Variants in CTNNA2 observed in about 807,000 individuals in gnomAD.
CTNNA2 encodes the protein catenin alpha-2.
A neutral mutation model predicts 101.0 loss-of-function variants in CTNNA2; 42 were observed. The ratio of observed to expected loss-of-function variants is 0.42; its 90% CI spans 0.32 to 0.54. The LOEUF (loss-of-function observed/expected upper bound fraction) is 0.54, where lower values mean the gene tolerates loss of function less well. CTNNA2 is among the 20% of genes least tolerant of loss of function. The pLI is 0.14. For synonymous variants in CTNNA2, 450 were observed against 456.4 expected (o/e 0.99, Z 0.18); for missense variants, 871 against 1,223.1 (o/e 0.71, Z 4.29).
intron 7 of CTNNA2, among the ~76,000 whole-genome samples, chr2:80,008,804 A>C (rs962236969): frequency 6.6e-6 from 1 of 152,232 alleles, no homozygotes; most frequent in African/African-American, 2.4e-5. Context: ...TTATGTAAAC[A>C]ACAAGATGCT....
At chr2:79,417,711 A>C (rs1678498497) in intron 4 of CTNNA2, among the ~76,000 whole-genome samples, 2 of 152,140 alleles carry the variant, frequency 1.3e-5, no homozygotes, top group Non-Finnish European at 2.9e-5. Context: ...AGATTCTACT[A>C]TAAATTATTT....
chr2:80,006,588 A>G (rs1200852359), intron 7 of CTNNA2, among the ~76,000 whole-genome samples: 1 of 152,028 alleles, frequency 6.6e-6, no homozygotes, highest in African/African-American at 2.4e-5. Context: ...ACATGGCACT[A>G]TTGGATTCAA....
intron 1 of CTNNA2, among the ~76,000 whole-genome samples, chr2:79,634,171 T>A (rs1413747903): frequency 1.3e-5 from 2 of 152,204 alleles, no homozygotes; most frequent in Non-Finnish European, 2.9e-5. Context: ...TTTCCCACTT[T>A]GTTGTGCTGT....
intron 4 of CTNNA2, among the ~76,000 whole-genome samples, chr2:79,449,511 A>C (rs968761447): frequency 2.6e-5 from 4 of 152,048 alleles, no homozygotes; most frequent in Non-Finnish European, 5.9e-5. Context: ...AAGCAAAAGG[A>C]AGAGGAGGAA....
intron 7 of CTNNA2, among the ~76,000 whole-genome samples, chr2:80,366,462 G>A (rs190271920): frequency 3.9e-5 from 6 of 152,170 alleles, no homozygotes; most frequent in South Asian, 4.2e-4. Flanking sequence ...GTTCACAGAC[G>A]CATTTGCATA....
At chr2:80,358,187 G>C (rs901676014) in intron 7 of CTNNA2, among the ~76,000 whole-genome samples, 2 of 152,196 alleles carry the variant, frequency 1.3e-5, no homozygotes, top group South Asian at 4.2e-4. Context: ...TACTTACAAA[G>C]TCCTTAGGAC....
intron 7 of CTNNA2, among the ~76,000 whole-genome samples, chr2:80,311,679 G>A (rs778719888): frequency 6.6e-6 from 1 of 152,198 alleles, no homozygotes; most frequent in African/African-American, 2.4e-5. Context: ...CTCTACGAGG[G>A]TAAAAGTATT....
At chr2:79,453,328 G>T (rs553361815) in intron 4 of CTNNA2, among the ~76,000 whole-genome samples, 9 of 152,258 alleles carry the variant, frequency 5.9e-5, no homozygotes, top group African/African-American at 1.9e-4. Flanking sequence ...AAATGGCAAG[G>T]TAGGCAGTAT....
chr2:80,346,981 C>T (rs1016060545), intron 7 of CTNNA2, among the ~76,000 whole-genome samples: 7 of 152,156 alleles, frequency 4.6e-5, no homozygotes, highest in African/African-American at 1.2e-4. Context: ...ACCATGCTTC[C>T]GCTAGAAAGG....
At chr2:79,396,268 C>G (rs1048698019) in intron 4 of CTNNA2, among the ~76,000 whole-genome samples, 4 of 152,022 alleles carry the variant, frequency 2.6e-5, no homozygotes, top group Non-Finnish European at 5.9e-5. Flanking sequence ...AAGTGATTCT[C>G]CTGTCTCAGC....
At chr2:80,148,771 C>T (rs1238632774) in intron 7 of CTNNA2, among the ~76,000 whole-genome samples, 1 of 152,144 alleles carries the variant, frequency 6.6e-6, no homozygotes, top group Non-Finnish European at 1.5e-5. Flanking sequence ...ACCAAACTCT[C>T]CTAGGCTTGG....
chr2:79,587,359 C>T (rs1039987418), intron 1 of CTNNA2, among the ~76,000 whole-genome samples: 3 of 152,020 alleles, frequency 2.0e-5, no homozygotes, highest in African/African-American at 7.2e-5. Flanking sequence ...GCTGAGGCAC[C>T]GAGAAGTTAC....
chr2:80,444,467 A>C (rs1159894887), intron 9 of CTNNA2, among the ~76,000 whole-genome samples: 1 of 152,154 alleles, frequency 6.6e-6, no homozygotes, highest in Non-Finnish European at 1.5e-5. Context: ...GCAGTTTCTC[A>C]ATATCAGCAC....
chr2:80,619,361 G>T, intron 18 of CTNNA2, 133 bp downstream of exon 18: 1 of 997,776 alleles, frequency 1.0e-6, no homozygotes, highest in Non-Finnish European at 1.3e-6. Context: ...TTTGGGCAAA[G>T]GACTTATTTA....
At chr2:80,546,448 CTA>C (rs1009190723) in intron 11 of CTNNA2, among the ~76,000 whole-genome samples, 4 of 152,104 alleles carry the variant, frequency 2.6e-5, no homozygotes, top group Non-Finnish European at 5.9e-5. Context: ...TCCAATTTGG[CTA>C]TGTTAAGTTT....
chr2:80,500,172 T>C (rs1254265851), intron 9 of CTNNA2, among the ~76,000 whole-genome samples: 1 of 152,190 alleles, frequency 6.6e-6, no homozygotes, highest in African/African-American at 2.4e-5. Flanking sequence ...TAGATACTTT[T>C]TAATATATAA....
chr2:79,906,119 C>T (rs778139794), intron 6 of CTNNA2, among the ~76,000 whole-genome samples: 2 of 152,080 alleles, frequency 1.3e-5, no homozygotes, highest in Admixed American at 6.6e-5. Flanking sequence ...TACACATGCC[C>T]GTGTGCATAT....
intron 15 of CTNNA2, among the ~76,000 whole-genome samples, chr2:80,601,016 G>GA (rs1315473150): frequency 6.6e-6 from 1 of 152,102 alleles, no homozygotes; most frequent in Admixed American, 6.6e-5. Context: ...GTCTACAGGG[G>GA]AAAAAGCCCT....
chr2:80,599,343 A>G (rs1247372172), intron 15 of CTNNA2, among the ~76,000 whole-genome samples: 1 of 152,200 alleles, frequency 6.6e-6, no homozygotes, highest in East Asian at 1.9e-4. Context: ...AAGGAGCTTT[A>G]GAATCCACTT....
Sources: allele counts gnomAD v4.1 joint callset (sites outside exome capture counted in the v4.1 genomes callset), GRCh38; gene constraint gnomAD v4.1.1; transcripts MANE v1.5; gene names NCBI Gene and HGNC (gene_info 2026-07-23, HGNC 2026-07-21).